Variants in HSD17B12 observed in about 807,000 individuals in gnomAD.
HSD17B12 encodes the protein very-long-chain 3-oxoacyl-CoA reductase.
Under a neutral mutation model 39.3 loss-of-function variants are expected in HSD17B12, and 32 were observed. The observed-to-expected ratio is 0.81, with a 90% CI of 0.61 to 1.09. The LOEUF (loss-of-function observed/expected upper bound fraction) is 1.09, where lower values mean the gene tolerates loss of function less well. Among genes scored for constraint, HSD17B12 ranks in the 50% least tolerant of loss-of-function variants. The pLI is 0.00. For missense variants in HSD17B12, 342 were observed against 382.9 expected, an observed-to-expected ratio of 0.89 and a Z score of 0.89; for synonymous variants, 150 against 146.7, an observed-to-expected ratio of 1.02 and a Z score of -0.16.
intron 9 of HSD17B12, among the ~76,000 whole-genome samples, chr11:43,844,673 T>C (rs755776771): frequency 3.9e-4 from 60 of 152,210 alleles, no homozygotes; most frequent in Non-Finnish European, 7.8e-4. Context: ...CTGTACTGAC[T>C]AGCAGTTAAT....
At chr11:43,796,853 T>TC (rs397719112) in intron 3 of HSD17B12, among the ~76,000 whole-genome samples, 17 of 152,036 alleles carry the variant, frequency 1.1e-4, no homozygotes, top group Non-Finnish European at 2.2e-4. Context: ...GCTTTTTTTT[T>TC]CCCTTGTGGA....
At chr11:43,610,900 C>G in the HSD17B12 span, among the ~76,000 whole-genome samples, 1 of 152,138 alleles carries the variant, frequency 6.6e-6, no homozygotes, top group Non-Finnish European at 1.5e-5. Flanking sequence ...TCAAGAGGAA[C>G]ATGGTGTTTT....
At chr11:43,754,158 A>T in intron 3 of HSD17B12, 37 bp downstream of exon 3, 4 of 1,369,514 alleles carry the variant, frequency 2.9e-6, no homozygotes, top group South Asian at 1.2e-5. Flanking sequence ...ATACATAGCT[A>T]ATTAATGTTT....
At chr11:43,802,671 G>T (rs1441083566) in intron 4 of HSD17B12, among the ~76,000 whole-genome samples, 1 of 152,190 alleles carries the variant, frequency 6.6e-6, no homozygotes, top group Non-Finnish European at 1.5e-5. Flanking sequence ...ATTTCTGATT[G>T]TCCTTCTTGG....
chr11:43,599,186 T>C, the HSD17B12 span, among the ~76,000 whole-genome samples: 2,516 of 152,342 alleles, frequency 0.017, 71 homozygotes, highest in African/African-American at 0.059. Context: ...TAATGATGGT[T>C]ATTTCTAGAT....
the HSD17B12 span, among the ~76,000 whole-genome samples, chr11:43,607,220 T>A: frequency 6.6e-6 from 1 of 151,766 alleles, no homozygotes; most frequent in Non-Finnish European, 1.5e-5. Context: ...ACAGGGATCA[T>A]GGAAGAGAGA....
rs1479833657 is a variant in HSD17B12 at position 43,816,377 on chromosome 11, C to G, written c.487C>G (p.Leu163Val). The G allele has an allele frequency of 6.6e-7, 1 of 1,521,374 alleles. No homozygotes were observed. The highest frequency in any genetic ancestry group is 2.5e-5 in the East Asian group (1 of 40,594). 94.2% of individuals were successfully genotyped at this position (1,521,374 alleles called of 1,614,324 possible). The change falls in exon 6 of 11, where the codon CTT becomes GTT. Residue 163 changes from leucine (L) to valine (V), a missense_variant. Transcript: ENST00000278353. ...VIKKMININI[L>V]SVCKMTQLVL... ...CAAGAAAATGATAAATATTAATATT[C>G]TTTCTGTTTGTAAGGTAAGCATCCT...
chr11:43,603,322 G>C, the HSD17B12 span, among the ~76,000 whole-genome samples: 20,811 of 152,048 alleles, frequency 0.14, 1,615 homozygotes, highest in Middle Eastern at 0.26. Flanking sequence ...AAATCTTTTT[G>C]AATGAAAAGT....
rs1255616987 is a variant in HSD17B12, at chr11:43,742,142, T to A, written c.161-8769T>A. Among the ~76,000 whole-genome samples, 579 of 145,362 alleles carry A rather than the reference T, an allele frequency of 4.0e-3. 4 individuals carry two copies. The highest frequency in any genetic ancestry group is 0.014 in the African/African-American group (568 of 39,508). Reference sequence around the variant, plus strand: ...ATATATATATATATATATATATATTTTTTTTTTTAAATTGAGACAGGATCT... The same window carrying A: ...ATATATATATATATATATATATATTATTTTTTTTAAATTGAGACAGGATCT... On this transcript the variant is annotated intron_variant, in intron 1 of 10. Coordinates refer to ENST00000278353, the MANE Select transcript of HSD17B12 (RefSeq NM_016142.3).
chr11:43,627,084 A>G, the HSD17B12 span, among the ~76,000 whole-genome samples: 1 of 152,008 alleles, frequency 6.6e-6, no homozygotes, highest in Non-Finnish European at 1.5e-5. Context: ...TTCATTTTTT[A>G]AAATTTTCAT....
chr11:43,678,551 G>GT (rs1218043830), upstream of HSD17B12, among the ~76,000 whole-genome samples: 4 of 152,168 alleles, frequency 2.6e-5, no homozygotes, highest in East Asian at 1.9e-4. Context: ...TTCTTCTAGG[G>GT]TTTTTTATAG....
At chr11:43,580,264 C>G in the HSD17B12 span, among the ~76,000 whole-genome samples, 1 of 151,850 alleles carries the variant, frequency 6.6e-6, no homozygotes, top group East Asian at 2.0e-4. Flanking sequence ...CCCTCCCCTC[C>G]TTTCTTCCTC....
chr11:43,614,085 A>G, the HSD17B12 span, among the ~76,000 whole-genome samples: 3 of 152,174 alleles, frequency 2.0e-5, no homozygotes, highest in Non-Finnish European at 4.4e-5. Flanking sequence ...AATTACTTTT[A>G]AGGAGATCCA....
the HSD17B12 span, among the ~76,000 whole-genome samples, chr11:43,561,639 A>T: frequency 6.6e-6 from 1 of 152,148 alleles, no homozygotes; most frequent in East Asian, 1.9e-4. Context: ...TTCAAGCTTA[A>T]TATAGCTTTC....
At chr11:43,558,809 A>T in the HSD17B12 span, among the ~76,000 whole-genome samples, 1 of 151,982 alleles carries the variant, frequency 6.6e-6, no homozygotes, top group Admixed American at 6.6e-5. Flanking sequence ...TGAGAAGGGA[A>T]TCGTTTTCAG....
chr11:43,606,053 C>T, the HSD17B12 span, among the ~76,000 whole-genome samples: 4,647 of 152,290 alleles, frequency 0.031, 246 homozygotes, highest in African/African-American at 0.1. Flanking sequence ...GTAGGAAAGA[C>T]TCTTCAAGGT....
At chr11:43,597,150 A>G in the HSD17B12 span, among the ~76,000 whole-genome samples, 1 of 152,226 alleles carries the variant, frequency 6.6e-6, no homozygotes, top group Non-Finnish European at 1.5e-5. Context: ...AGGTCAAAAC[A>G]GAGTGCTGTG....
intron 1 of HSD17B12, among the ~76,000 whole-genome samples, chr11:43,695,777 A>G (rs1282995427): frequency 1.3e-5 from 2 of 152,154 alleles, no homozygotes; most frequent in Non-Finnish European, 2.9e-5. Context: ...GGCCATCTGG[A>G]TGACCTTTGT....
chr11:43,660,227 G>A, the HSD17B12 span, among the ~76,000 whole-genome samples: 2 of 152,128 alleles, frequency 1.3e-5, no homozygotes, highest in Non-Finnish European at 2.9e-5. Flanking sequence ...GTCTCATGCT[G>A]TGAAGGACTT....
Sources: gnomAD v4.1 joint callset for allele counts (sites outside exome capture counted in the v4.1 genomes callset) on GRCh38, gnomAD v4.1.1 for gene constraint, MANE v1.5 for transcripts, NCBI Gene and HGNC (gene_info 2026-07-23, HGNC 2026-07-21) for gene names.